TNFRSF9: variants seen among roughly 807,000 people sequenced by gnomAD.
The protein encoded by TNFRSF9 is TNF receptor superfamily member 9, also known as tumor necrosis factor receptor superfamily member 9.
In TNFRSF9, 16 loss-of-function variants were observed where a neutral mutation model predicts 28.8. The ratio of observed to expected loss-of-function variants is 0.55; its 90% CI spans 0.38 to 0.84. TNFRSF9 has a LOEUF of 0.84. Among genes scored for constraint, TNFRSF9 ranks in the 40% least tolerant of loss-of-function variants. TNFRSF9 has a pLI of 0.00. For synonymous variants in TNFRSF9, 131 were observed against 117.0 expected (o/e 1.12, Z -0.77); for missense variants, 303 against 315.0 (o/e 0.96, Z 0.29).
At chr1:7,935,406 C>T (rs924147305) in intron 5 of TNFRSF9, among the ~76,000 whole-genome samples, 11 of 152,140 alleles carry the variant, frequency 7.2e-5, no homozygotes, top group African/African-American at 2.4e-4. Flanking sequence ...GTTTCTTAAT[C>T]GGACTTGACC....
chr1:7,938,079 C>T, intron 4 of TNFRSF9, 114 bp downstream of exon 4: 1 of 892,394 alleles, frequency 1.1e-6, no homozygotes, highest in Admixed American at 2.9e-5. Context: ...ATCATATACT[C>T]CCTTGTTACT....
At chr1:7,939,309 G>A (rs1639866165) in intron 2 of TNFRSF9, among the ~76,000 whole-genome samples, 1 of 110,296 alleles carries the variant, frequency 9.1e-6, no homozygotes, top group African/African-American at 3.9e-5. Flanking sequence ...GACAGAGTGA[G>A]ACTGTGTCTC....
At chr1:7,938,943 C>A in intron 2 of TNFRSF9, 115 bp from the exon 3 acceptor site, 1 of 651,604 alleles carries the variant, frequency 1.5e-6, no homozygotes, top group Non-Finnish European at 2.6e-6. Flanking sequence ...TTCTAGATGC[C>A]ACAGTGGTGG....
chr1:7,939,604 T>C (rs777438640), intron 2 of TNFRSF9, among the ~76,000 whole-genome samples: 1 of 152,178 alleles, frequency 6.6e-6, no homozygotes, highest in Non-Finnish European at 1.5e-5. Flanking sequence ...CTAACATTTA[T>C]TGAAGTCTTG....
rs889660607 is a variant in TNFRSF9 at position 7,919,170 on chromosome 1, A to T, written c.*1665T>A. On this transcript the variant is annotated 3_prime_UTR_variant, in exon 8 of 8. Coordinates refer to ENST00000377507, the MANE Select transcript of TNFRSF9 (RefSeq NM_001561.6). ...CACCTAAATCCCAGAGTAAAATAAC[A>T]TGGGACAGAGGCACGCAAGCTTGCA... 1 of 152,132 alleles carries T rather than the reference A, an allele frequency of 6.6e-6. No individual in the cohort carries two copies. Among genetic ancestry groups the T allele is most frequent in the African/African-American group, 2.4e-5 (1 of 41,426 alleles). 9.4% of individuals were successfully genotyped at this position (152,132 alleles called of 1,614,324 possible).
rs765474605 is a variant in TNFRSF9, at chr1:7,935,072, G to A, written c.485C>T (p.Pro162Leu). 3 of 1,614,250 alleles carry A rather than the reference G, an allele frequency of 1.9e-6. No homozygotes were observed. The highest frequency in any genetic ancestry group is 1.7e-5 in the Admixed American group (1 of 60,030). Residue 162 changes from proline to leucine, a missense_variant, in exon 6 of 8, where the codon CCA becomes CTA. Coordinates refer to ENST00000377507, the MANE Select transcript of TNFRSF9 (RefSeq NM_001561.6). ...GGATGCTCCCGGAGAGAGGTCGGCT[G>A]GAGATGGTCCACAGACCACGTCCCT... ...KERDVVCGPS[P>L]ADLSPGASSV...
chr1:7,925,801 G>A (rs962702314), intron 7 of TNFRSF9, among the ~76,000 whole-genome samples: 3 of 152,134 alleles, frequency 2.0e-5, no homozygotes, highest in Non-Finnish European at 4.4e-5. Flanking sequence ...TAATGCCGCT[G>A]CTGATCTGAT....
rs964159237 is a variant in TNFRSF9 at position 7,933,238 on chromosome 1, G to A, written c.603C>T (p.Phe201=). ...AACGGAGCGTGAGGAAGAACAGCAG[G>A]AAGAGCAACGCAGTCGACGTCAGCG... ...FLALTSTALL[F]LLFFLTLRFS... Residue 201 remains phenylalanine, a synonymous_variant, in exon 7 of 8, where the codon TTC becomes TTT. Coordinates refer to ENST00000377507, the MANE Select transcript of TNFRSF9 (RefSeq NM_001561.6). The A allele has an allele frequency of 6.2e-7, 1 of 1,614,016 alleles. No homozygotes were observed. Among genetic ancestry groups the A allele is most frequent in the Non-Finnish European group, 8.5e-7 (1 of 1,179,898 alleles).
At chr1:7,933,019 T>C in intron 7 of TNFRSF9, 143 bp downstream of exon 7, 1 of 966,694 alleles carries the variant, frequency 1.0e-6, no homozygotes, top group Non-Finnish European at 1.5e-6. Context: ...CTGCAAATAT[T>C]CCCAGGGACG....
intron 7 of TNFRSF9, among the ~76,000 whole-genome samples, chr1:7,932,634 T>G (rs890957057): frequency 2.6e-5 from 4 of 151,820 alleles, no homozygotes; most frequent in Non-Finnish European, 5.9e-5. Context: ...GTTTTCTGAT[T>G]CTTCTTTGCC....
In TNFRSF9 at chr1:7,916,508, A is replaced by G. The variant is rs1450470531; in HGVS notation, c.*4327T>C. 1 of 152,222 alleles carries G rather than the reference A, an allele frequency of 6.6e-6. No homozygotes were observed. Among genetic ancestry groups the G allele is most frequent in the African/African-American group, 2.4e-5 (1 of 41,454 alleles). 9.4% of individuals were successfully genotyped at this position (152,222 alleles called of 1,614,324 possible). A position where few individuals can be genotyped will look rare whatever the true frequency, so the allele number is the denominator to read the frequency against. On this transcript the variant is annotated 3_prime_UTR_variant, in exon 8 of 8. Coordinates refer to ENST00000377507, the MANE Select transcript of TNFRSF9 (RefSeq NM_001561.6). ...ATTTTCGGTGTGTAACCTAGGACAC[A>G]TGAGAGCCTCGCTCCATTATCTTGG...
rs1558526766 is a variant in TNFRSF9 at position 7,917,981 on chromosome 1, TAG to T, written c.*2852_*2853del. ...ATATATATATATATATATATAGATA[TAG>T]ATAGATAGATAGATAGATAGGCAGA... On this transcript the variant is annotated 3_prime_UTR_variant, in exon 8 of 8. Coordinates refer to ENST00000377507, the MANE Select transcript of TNFRSF9 (RefSeq NM_001561.6). The T allele has an allele frequency of 7.5e-5, 11 of 146,280 alleles. No homozygotes were observed. The highest frequency in any genetic ancestry group is 2.4e-4 in the African/African-American group (9 of 37,698). 9.1% of individuals were successfully genotyped at this position (146,280 alleles called of 1,614,324 possible). A position where few individuals can be genotyped will look rare whatever the true frequency, so the allele number is the denominator to read the frequency against.
chr1:7,938,922 A>C, intron 2 of TNFRSF9, 94 bp from the exon 3 acceptor site: 1 of 854,754 alleles, frequency 1.2e-6, no homozygotes, highest in Non-Finnish European at 1.8e-6. Context: ...ATTATAAAAG[A>C]ATGATGAGTT....
intron 5 of TNFRSF9, among the ~76,000 whole-genome samples, chr1:7,936,245 A>G (rs1490426688): frequency 1.3e-5 from 2 of 152,150 alleles, no homozygotes; most frequent in African/African-American, 4.8e-5. Flanking sequence ...GTGAAAGCCC[A>G]TCTCTACTAA....
At chr1:7,922,704 C>T (rs999698964) in intron 7 of TNFRSF9, among the ~76,000 whole-genome samples, 2 of 151,734 alleles carry the variant, frequency 1.3e-5, no homozygotes, top group African/African-American at 2.4e-5. Flanking sequence ...CTTAGCTATT[C>T]GGGAGTCTGA....
intron 3 of TNFRSF9, 25 bp from the exon 4 acceptor site, chr1:7,938,355 C>A (rs767941322): frequency 1.8e-5 from 28 of 1,567,600 alleles, no homozygotes; most frequent in Non-Finnish European, 2.2e-5. Flanking sequence ...CAGCCCCCAA[C>A]ATTTTATTAC....
At chr1:7,935,214 C>G (rs768957441) in intron 5 of TNFRSF9, 71 bp from the exon 6 acceptor site, 56 of 1,532,130 alleles carry the variant, frequency 3.7e-5, no homozygotes, top group Non-Finnish European at 4.9e-5. Flanking sequence ...AAAACTTTGT[C>G]ATTTTTCACC....
intron 7 of TNFRSF9, among the ~76,000 whole-genome samples, chr1:7,928,444 A>ATAC (rs1194679720): frequency 1.3e-5 from 2 of 152,250 alleles, no homozygotes. Context: ...ATATCGTGGA[A>ATAC]TACTATTCAG....
In TNFRSF9 at chr1:7,920,932, A is replaced by T. The variant is rs1639549397; in HGVS notation, c.680-9T>A. 3 of 1,601,400 alleles carry T rather than the reference A, an allele frequency of 1.9e-6. No individual in the cohort carries two copies. The highest frequency in any genetic ancestry group is 3.3e-4 in the Middle Eastern group (2 of 6,012). The stretch of plus-strand genomic sequence containing the variant: ...TACTGGTCTCATAAATGCTAAAAAA[A>T]AAATTTTAAGATACGTATATTTTGT... On this transcript the variant is annotated splice_polypyrimidine_tract_variant and intron_variant, in intron 7 of 7. Coordinates refer to ENST00000377507, the MANE Select transcript of TNFRSF9 (RefSeq NM_001561.6).
Sources: allele counts gnomAD v4.1 joint callset (sites outside exome capture counted in the v4.1 genomes callset), GRCh38; gene constraint gnomAD v4.1.1; transcripts MANE v1.5; gene names NCBI Gene and HGNC (gene_info 2026-07-23, HGNC 2026-07-21).